Variants in ANKRD18A observed in about 807,000 individuals in gnomAD.
The protein encoded by ANKRD18A is ankyrin repeat domain 18A.
A neutral mutation model predicts 110.6 loss-of-function variants in ANKRD18A; 72 were observed. That is an observed-to-expected ratio of 0.65 (90% CI 0.54 to 0.79). The LOEUF is 0.79. Among genes scored for constraint, ANKRD18A ranks in the 30% least tolerant of loss-of-function variants. The pLI, the probability that ANKRD18A is intolerant of heterozygous loss-of-function variation, is 0.00. For missense variants in ANKRD18A, 934 were observed against 1,163.3 expected, an observed-to-expected ratio of 0.80 and a Z score of 2.87; for synonymous variants, 305 against 410.3, an observed-to-expected ratio of 0.74 and a Z score of 3.10.
chr9:38,589,142 A>G (rs180923624), intron 10 of ANKRD18A, among the ~76,000 whole-genome samples: 331 of 152,320 alleles, frequency 2.2e-3, no homozygotes, highest in Non-Finnish European at 3.8e-3. Context: ...CTCTGTGAGT[A>G]TTCACCGGTA....
At chr9:38,605,693 A>G (rs1825320765) in intron 6 of ANKRD18A, among the ~76,000 whole-genome samples, 1 of 152,118 alleles carries the variant, frequency 6.6e-6, no homozygotes, top group Admixed American at 6.6e-5. Flanking sequence ...GGCTCACTGC[A>G]ATCTCCACCT....
intron 1 of ANKRD18A, among the ~76,000 whole-genome samples, chr9:38,618,120 A>C (rs1825932818): frequency 6.6e-6 from 1 of 152,228 alleles, no homozygotes; most frequent in East Asian, 1.9e-4. Context: ...AATAATAATG[A>C]TAAAAAATAG....
chr9:38,590,467 T>C (rs1226579178), intron 10 of ANKRD18A, among the ~76,000 whole-genome samples: 2 of 152,020 alleles, frequency 1.3e-5, no homozygotes, highest in Non-Finnish European at 2.9e-5. Context: ...GGCCAGGCTC[T>C]TCTTGTACTT....
At chr9:38,572,197 T>C (rs1823676374) in intron 15 of ANKRD18A, 138 bp from the exon 16 acceptor site, 1 of 563,712 alleles carries the variant, frequency 1.8e-6, no homozygotes, top group Admixed American at 4.2e-5. Context: ...CAATACAAAA[T>C]TACTATTAAA....
At chr9:38,580,273 G>A (rs1195902825) in intron 12 of ANKRD18A, among the ~76,000 whole-genome samples, 4 of 152,134 alleles carry the variant, frequency 2.6e-5, no homozygotes, top group African/African-American at 7.2e-5. Flanking sequence ...AATGGTGCAC[G>A]CCCATAATCC....
At chr9:38,612,839 A>G (rs922068458) in intron 3 of ANKRD18A, among the ~76,000 whole-genome samples, 1 of 152,052 alleles carries the variant, frequency 6.6e-6, no homozygotes, top group Admixed American at 6.6e-5. Context: ...TTTAAGGGAC[A>G]TTGCTGAGAA....
chr9:38,582,374 A>G (rs575745661), intron 12 of ANKRD18A, among the ~76,000 whole-genome samples: 2 of 152,240 alleles, frequency 1.3e-5, no homozygotes, highest in East Asian at 1.9e-4. Context: ...CTCCTTTGAG[A>G]CACAAAAGGT....
intron 4 of ANKRD18A, 145 bp downstream of exon 4, chr9:38,611,070 T>C: frequency 7.1e-7 from 1 of 1,414,158 alleles, no homozygotes; most frequent in Non-Finnish European, 9.2e-7. Context: ...ACTTCTTTTC[T>C]ACCTGATTAT....
chr9:38,580,618 G>A (rs1239566824), intron 12 of ANKRD18A, among the ~76,000 whole-genome samples: 1 of 151,432 alleles, frequency 6.6e-6, no homozygotes, highest in African/African-American at 2.4e-5. Context: ...AATGAAAAAT[G>A]ATTGAAGTAG....
intron 12 of ANKRD18A, among the ~76,000 whole-genome samples, chr9:38,581,516 A>G (rs3005816): frequency 0.48 from 72,600 of 151,846 alleles, 20,059 homozygotes; most frequent in African/African-American, 0.77. Context: ...AAGAAGCTCT[A>G]AGTATTTATT....
intron 11 of ANKRD18A, among the ~76,000 whole-genome samples, chr9:38,586,915 A>T (rs542571904): frequency 1.3e-5 from 2 of 152,338 alleles, no homozygotes; most frequent in South Asian, 4.1e-4. Context: ...TTGGTATGCT[A>T]AGATGAAATA....
intron 6 of ANKRD18A, chr9:38,604,030 T>G (rs1825245161): frequency 6.6e-6 from 1 of 152,392 alleles, no homozygotes; most frequent in South Asian, 2.1e-4. Flanking sequence ...CTGAGCACGG[T>G]GGCTCATCTT....
At chr9:38,586,466 T>C (rs1824385082) in intron 11 of ANKRD18A, among the ~76,000 whole-genome samples, 154 bp from the exon 12 acceptor site, 1 of 152,148 alleles carries the variant, frequency 6.6e-6, no homozygotes, top group Non-Finnish European at 1.5e-5. Flanking sequence ...AAGCATTCTA[T>C]ATGAAATTAT....
At chr9:38,619,825 G>T (rs1826009173) in intron 1 of ANKRD18A, among the ~76,000 whole-genome samples, 1 of 152,148 alleles carries the variant, frequency 6.6e-6, no homozygotes, top group Non-Finnish European at 1.5e-5. Flanking sequence ...TTCTCATTAG[G>T]CACCTCCCTA....
intron 6 of ANKRD18A, among the ~76,000 whole-genome samples, chr9:38,607,063 T>C (rs1825392228): frequency 1.3e-5 from 2 of 152,192 alleles, no homozygotes; most frequent in South Asian, 4.1e-4. Context: ...ATCTCACTTT[T>C]TGTTTTCTTT....
chr9:38,599,390 G>A (rs960510554), intron 8 of ANKRD18A, among the ~76,000 whole-genome samples: 9 of 152,094 alleles, frequency 5.9e-5, no homozygotes, highest in African/African-American at 2.2e-4. Context: ...CAGTGTAAGA[G>A]CTCTTCCTCA....
chr9:38,617,620 A>G (rs1446529541), intron 1 of ANKRD18A, among the ~76,000 whole-genome samples: 1 of 152,198 alleles, frequency 6.6e-6, no homozygotes, highest in African/African-American at 2.4e-5. Flanking sequence ...GGGCAGTTAA[A>G]GGTTATCTCT....
At chr9:38,617,669 G>A (rs1276564263) in intron 1 of ANKRD18A, among the ~76,000 whole-genome samples, 1 of 152,146 alleles carries the variant, frequency 6.6e-6, no homozygotes, top group Non-Finnish European at 1.5e-5. Flanking sequence ...TGCTTGAAAG[G>A]TGGGAGGAAA....
chr9:38,581,379 T>A lies in ANKRD18A; in HGVS notation c.2248-3231A>T, dbSNP rs547087580. Among the ~76,000 whole-genome samples, 3 of 152,110 alleles carry A rather than the reference T, an allele frequency of 2.0e-5. No homozygotes were observed. In the South Asian group the frequency reaches 6.2e-4, roughly 32 times the overall value. On this transcript the variant is annotated intron_variant, in intron 12 of 15. Transcript: ENST00000399703. ...AAGGCAAGGGTGTCTCCTTACCATT[T>A]CCCCTCAAGTTAGGAAATAAGACTG...
Sources: gnomAD v4.1 joint callset for allele counts (sites outside exome capture counted in the v4.1 genomes callset) on GRCh38, gnomAD v4.1.1 for gene constraint, MANE v1.5 for transcripts, NCBI Gene and HGNC (gene_info 2026-07-23, HGNC 2026-07-21) for gene names.